Variants in ADGRE1 observed in about 807,000 individuals in gnomAD.
ADGRE1 encodes EGF-like module receptor 1.
A neutral mutation model predicts 102.7 loss-of-function variants in ADGRE1; 82 were observed. The observed-to-expected ratio is 0.80, with a 90% CI of 0.67 to 0.96. The LOEUF (loss-of-function observed/expected upper bound fraction) is 0.96. ADGRE1 is among the 40% of genes least tolerant of loss of function. The probability of loss-of-function intolerance (pLI) is 0.00; values close to 1 mark genes in which losing one functional copy is unlikely to be tolerated. For synonymous variants in ADGRE1, 398 were observed against 399.6 expected (o/e 1.00, Z 0.05); for missense variants, 1,032 against 1,085.3 (o/e 0.95, Z 0.69).
chr19:6,890,049 G>A (rs1302559847), intron 1 of ADGRE1, among the ~76,000 whole-genome samples: 1 of 151,996 alleles, frequency 6.6e-6, no homozygotes, highest in Non-Finnish European at 1.5e-5. Context: ...AGTAGCTGGG[G>A]CTACAAGTTG....
intron 17 of ADGRE1, chr19:6,928,500 A>G (rs947893605): frequency 5.8e-6 from 3 of 517,126 alleles, no homozygotes; most frequent in Non-Finnish European, 9.9e-6. Flanking sequence ...GGTGGCGAGC[A>G]CTTGTAATCC....
At chr19:6,904,941 A>G (rs575046175) in intron 8 of ADGRE1, among the ~76,000 whole-genome samples, 4 of 152,278 alleles carry the variant, frequency 2.6e-5, no homozygotes, top group African/African-American at 9.6e-5. Flanking sequence ...GGGTTATAGC[A>G]GATGCAAAGG....
At chr19:6,920,470 T>C (rs2354116) in intron 13 of ADGRE1, among the ~76,000 whole-genome samples, 73,897 of 145,808 alleles carry the variant, frequency 0.51, 20,119 homozygotes, top group African/African-American at 0.71. Flanking sequence ...CCGCCCGCTT[T>C]GGCCTCCCAA....
In ADGRE1 at chr19:6,911,393, T is replaced by G. The variant is rs1183907728; in HGVS notation, c.1123-2260T>G. ...GTTCTGGATTCCTTTTAGTTTTTTTTTTTTTTTTTTTTGCTTGGGTCAGAG... is the reference window on the plus strand; with the variant it reads ...GTTCTGGATTCCTTTTAGTTTTTTTGTTTTTTTTTTTTGCTTGGGTCAGAG... On this transcript the variant is annotated intron_variant, in intron 10 of 20. Coordinates refer to ENST00000312053, the MANE Select transcript of ADGRE1 (RefSeq NM_001974.5). Among the ~76,000 whole-genome samples, 3 of 144,528 alleles carry G rather than the reference T, an allele frequency of 2.1e-5. 1 individual carries two copies. The highest frequency in any genetic ancestry group is 7.5e-5 in the African/African-American group (3 of 40,086). The allele number at this position is 144,528 out of a possible 152,430, so 94.8% of individuals were successfully genotyped here. A position where few individuals can be genotyped will look rare whatever the true frequency, so the allele number is the denominator to read the frequency against.
Position 6,901,990 on chromosome 19 carries a change from G to A in ADGRE1, c.630G>A (p.Leu210=), listed in dbSNP as rs1186876842. The change falls in exon 6 of 21, where the codon TTG becomes TTA. Residue 210 remains leucine, a synonymous_variant. Coordinates refer to ENST00000312053, the MANE Select transcript of ADGRE1 (RefSeq NM_001974.5). ...NPGFESSSGH[L]SFQGLKASCE... is the part of the protein sequence containing the mutation. The stretch of plus-strand genomic sequence containing the variant: ...GATTTGAATCCAGCAGTGGCCACTT[G>A]AGTTTCCAGGGTCTCAAAGCATCGT... 1.2e-6 allele frequency: 2 copies of A among 1,614,072 alleles called. No individual in the cohort carries two copies. Among genetic ancestry groups the A allele is most frequent in the Non-Finnish European group, 1.7e-6 (2 of 1,180,024 alleles).
chr19:6,927,451 T>C (rs1444542807), intron 16 of ADGRE1, among the ~76,000 whole-genome samples: 1 of 151,996 alleles, frequency 6.6e-6, no homozygotes, highest in Non-Finnish European at 1.5e-5. Flanking sequence ...CTCATGAAAC[T>C]CATAGTCTAG....
chr19:6,918,200 G>A (rs1049172894), intron 12 of ADGRE1, among the ~76,000 whole-genome samples: 42 of 152,314 alleles, frequency 2.8e-4, no homozygotes, highest in Non-Finnish European at 4.1e-4. Context: ...AGCACTTTGG[G>A]AGGCCAAGGC....
chr19:6,918,018 T>TG (rs1974465584), intron 12 of ADGRE1, among the ~76,000 whole-genome samples: 1 of 151,880 alleles, frequency 6.6e-6, no homozygotes, highest in Non-Finnish European at 1.5e-5. Flanking sequence ...AAGGGAGAAG[T>TG]GGGGAGAAGA....
chr19:6,928,363 C>A (rs368187917), intron 17 of ADGRE1, 152 bp downstream of exon 17: 2 of 1,500,582 alleles, frequency 1.3e-6, no homozygotes, highest in Non-Finnish European at 1.8e-6. Flanking sequence ...TGGTGGCTCA[C>A]GCCTGTAATC....
chr19:6,893,448 G>T, intron 2 of ADGRE1, among the ~76,000 whole-genome samples: 1 of 152,234 alleles, frequency 6.6e-6, no homozygotes, highest in Non-Finnish European at 1.5e-5. Context: ...TGATCTGCCC[G>T]CCTTGGCCTC....
At chr19:6,896,690 C>T (rs1406252951) in intron 3 of ADGRE1, 149 bp downstream of exon 3, 1 of 885,648 alleles carries the variant, frequency 1.1e-6, no homozygotes, top group Admixed American at 2.8e-5. Context: ...TAGGTCATTT[C>T]TGTTCAAGGT....
intron 12 of ADGRE1, 139 bp downstream of exon 12, chr19:6,916,507 T>C (rs1361518792): frequency 3.5e-6 from 4 of 1,147,990 alleles, no homozygotes; most frequent in Non-Finnish European, 4.8e-6. Flanking sequence ...CTCAGAGAGT[T>C]TTCCATGTGC....
intron 13 of ADGRE1, 93 bp from the exon 14 acceptor site, chr19:6,921,620 T>C: frequency 7.2e-7 from 1 of 1,379,950 alleles, no homozygotes; most frequent in South Asian, 1.5e-5. Context: ...TGTGTATTCT[T>C]GTTCCCAGTG....
At chr19:6,912,437 T>A (rs1568348772) in intron 10 of ADGRE1, among the ~76,000 whole-genome samples, 1 of 152,232 alleles carries the variant, frequency 6.6e-6, no homozygotes. Context: ...CATAGATATC[T>A]TCTACAAATT....
chr19:6,939,089 C>T (rs1258854542), intron 20 of ADGRE1, among the ~76,000 whole-genome samples: 13 of 152,178 alleles, frequency 8.5e-5, no homozygotes, highest in African/African-American at 3.1e-4. Context: ...AGCCACCACG[C>T]CCAGCTGGTC....
chr19:6,888,849 T>A (rs1305170818), intron 1 of ADGRE1, among the ~76,000 whole-genome samples: 5 of 152,238 alleles, frequency 3.3e-5, no homozygotes, highest in Non-Finnish European at 7.3e-5. Context: ...AATGTAGGCA[T>A]GCAGAGTTGT....
At position 6,897,296 on chromosome 19, in the gene ADGRE1, C is replaced by A. The variant is rs542090314; in HGVS notation, c.386C>A (p.Ser129Tyr). 321 of 1,613,826 alleles carry A rather than the reference C, an allele frequency of 2.0e-4. 3 individuals carry two copies. The South Asian group carries it at 3.3e-3, about 17-fold the overall frequency. Reference sequence around the variant, plus strand: ...GTCCCAGGAAAGCCGGGCAATTTCTCCTGTACTGGTAATGCTCTCAGGTTC... The same window carrying A: ...GTCCCAGGAAAGCCGGGCAATTTCTACTGTACTGGTAATGCTCTCAGGTTC... ...DWVPGKPGNF[S>Y]CTDINECLTS... The change falls in exon 4 of 21, where the codon TCC (serine) becomes TAC (tyrosine). Residue 129 changes from serine to tyrosine, a missense_variant. Physicochemically the swap from Ser to Tyr is moderately radical, Grantham distance 144. Coordinates refer to ENST00000312053, the MANE Select transcript of ADGRE1 (RefSeq NM_001974.5).
intron 14 of ADGRE1, among the ~76,000 whole-genome samples, chr19:6,924,445 A>G (rs1974798053): frequency 6.6e-6 from 1 of 152,202 alleles, no homozygotes; most frequent in Non-Finnish European, 1.5e-5. Context: ...GTGGACATCA[A>G]GCCCCAGTAA....
chr19:6,930,055 C>T lies in ADGRE1; in HGVS notation c.2289+1844C>T, dbSNP rs1211412367. On this transcript the variant is annotated intron_variant, in intron 17 of 20. Transcript: ENST00000312053. ...AGCTTGCCTTTCTATGTCTATAGCT[C>T]GATTCTACCGGCTGCTCTCCATTAG... is the stretch of plus-strand genomic sequence containing the variant. Among the ~76,000 whole-genome samples, 6 of 152,222 alleles carry T rather than the reference C, an allele frequency of 3.9e-5. No individual in the cohort carries two copies. In the South Asian group the frequency reaches 1.2e-3, roughly 32 times the overall value.
Sources: allele counts gnomAD v4.1 joint callset (sites outside exome capture counted in the v4.1 genomes callset), GRCh38; gene constraint gnomAD v4.1.1; transcripts MANE v1.5; gene names NCBI Gene and HGNC (gene_info 2026-07-23, HGNC 2026-07-21).